DTNA: variants seen among roughly 807,000 people sequenced by gnomAD.
DTNA encodes dystrophin-related protein 3.
In DTNA, 43 loss-of-function variants were observed where a neutral mutation model predicts 100.7. The ratio of observed to expected loss-of-function variants is 0.43; its 90% CI spans 0.33 to 0.55. The LOEUF (loss-of-function observed/expected upper bound fraction) is 0.55, where lower values mean the gene tolerates loss of function less well. DTNA is among the 20% of genes least tolerant of loss of function. The pLI is 0.04. For synonymous variants in DTNA, 349 were observed against 347.9 expected (o/e 1.00, Z -0.04); for missense variants, 798 against 953.9 (o/e 0.84, Z 2.15).
intron 1 of DTNA, among the ~76,000 whole-genome samples, chr18:34,542,318 A>C (rs1032739682): frequency 1.3e-5 from 2 of 151,986 alleles, no homozygotes; most frequent in African/African-American, 4.8e-5. Flanking sequence ...TCCAACTTCA[A>C]ATTGCTTCAG....
At chr18:34,830,085 G>A (rs577063057) in intron 11 of DTNA, among the ~76,000 whole-genome samples, 7 of 152,126 alleles carry the variant, frequency 4.6e-5, no homozygotes, top group East Asian at 1.9e-4. Context: ...TAATCGTGTC[G>A]ATAAACTAAG....
chr18:34,640,529 A>C (rs1039418773), intron 1 of DTNA, among the ~76,000 whole-genome samples: 12 of 152,196 alleles, frequency 7.9e-5, no homozygotes, highest in Non-Finnish European at 1.6e-4. Context: ...ACAGACATTC[A>C]TTCGTTCACT....
chr18:34,756,152 T>A, intron 2 of DTNA, 109 bp downstream of exon 2: 6 of 1,303,080 alleles, frequency 4.6e-6, no homozygotes, highest in South Asian at 1.3e-5. Flanking sequence ...CTTAGGATCC[T>A]AAGTTCCTTT....
chr18:34,671,157 T>G (rs1251307130), intron 1 of DTNA, among the ~76,000 whole-genome samples: 2 of 152,074 alleles, frequency 1.3e-5, no homozygotes, highest in Admixed American at 1.3e-4. Flanking sequence ...GCTGCCACCT[T>G]ATAGTTGGAT....
At chr18:34,723,050 T>C (rs1245359465) in intron 1 of DTNA, among the ~76,000 whole-genome samples, 1 of 152,174 alleles carries the variant, frequency 6.6e-6, no homozygotes, top group Non-Finnish European at 1.5e-5. Flanking sequence ...TAAATGTCTA[T>C]GGGAATTTTA....
intron 1 of DTNA, among the ~76,000 whole-genome samples, chr18:34,527,106 G>A (rs2042697983): frequency 6.6e-6 from 1 of 151,706 alleles, no homozygotes; most frequent in South Asian, 2.1e-4. Context: ...TGTCCTTTCT[G>A]TAACACCTTA....
chr18:34,846,416 T>C (rs1326470712), intron 13 of DTNA, among the ~76,000 whole-genome samples: 1 of 152,152 alleles, frequency 6.6e-6, no homozygotes, highest in African/African-American at 2.4e-5. Flanking sequence ...GGCATCACAC[T>C]CTTTTGATGC....
At chr18:34,792,696 A>T (rs2094801632) in intron 3 of DTNA, among the ~76,000 whole-genome samples, 1 of 152,272 alleles carries the variant, frequency 6.6e-6, no homozygotes, top group African/African-American at 2.4e-5. Context: ...GAACTCTCGT[A>T]CACTGCTGAT....
At chr18:34,540,238 A>C (rs2044119483) in intron 1 of DTNA, among the ~76,000 whole-genome samples, 1 of 151,960 alleles carries the variant, frequency 6.6e-6, no homozygotes, top group East Asian at 1.9e-4. Context: ...GAGATCATAT[A>C]AGAAAAGGGA....
chr18:34,512,065 A>G (rs1422530550), intron 1 of DTNA, among the ~76,000 whole-genome samples: 2 of 151,928 alleles, frequency 1.3e-5, no homozygotes, highest in East Asian at 3.9e-4. Flanking sequence ...TTTCCTAAGC[A>G]CAGTGCCAAC....
rs2095588829 is a variant in DTNA at position 34,816,034 on chromosome 18, C to A, written c.709+20C>A. 1.2e-6 allele frequency: 2 copies of A among 1,604,280 alleles called. No individual in the cohort carries two copies. Among genetic ancestry groups the A allele is most frequent in the Middle Eastern group, 3.3e-4 (2 of 6,036 alleles). Reference sequence around the variant, plus strand: ...AAAATGGTGAGTAGTTACTAAGGAGCAAAGGTGATTTTTTAAATTATTGAA... The same window carrying A: ...AAAATGGTGAGTAGTTACTAAGGAGAAAAGGTGATTTTTTAAATTATTGAA... On this transcript the variant is annotated intron_variant, in intron 7 of 22. Coordinates refer to ENST00000444659, the MANE Select transcript of DTNA (RefSeq NM_001386795.1).
chr18:34,875,234 T>A lies in DTNA; in HGVS notation c.1744-5T>A. On this transcript the variant is annotated splice_polypyrimidine_tract_variant and splice_region_variant and intron_variant, in intron 17 of 22. Transcript: ENST00000444659. ...GCAAATTAATGACCTGCATTGTCTC[T>A]CCAGACTCAGGGGGCAGGCTCTCCC... 6.2e-7 allele frequency: 1 copy of A among 1,613,696 alleles called. No homozygotes were observed.
chr18:34,882,017 G>C, intron 20 of DTNA, 52 bp from the exon 21 acceptor site: 1 of 1,613,526 alleles, frequency 6.2e-7, no homozygotes, highest in Non-Finnish European at 8.5e-7. Context: ...AATCCCGCTT[G>C]TAATTCTCTT....
At position 34,603,965 on chromosome 18, in the gene DTNA, G is replaced by A. The variant is rs372038904; in HGVS notation, c.-2+110451G>A. Among the ~76,000 whole-genome samples, 418 of 152,274 alleles carry A rather than the reference G, an allele frequency of 2.7e-3. 7 individuals carry two copies. The South Asian group carries it at 0.044, about 16-fold the overall frequency. On this transcript the variant is annotated intron_variant, in intron 1 of 19. Coordinates refer to the DTNA transcript ENST00000283365. ...CTCTACGCTCTACTAAAGTTATCAT[G>A]TATGGGAATTTTTCTGTGCAAGAAG... is the stretch of plus-strand genomic sequence containing the variant.
Position 34,726,670 on chromosome 18 carries a change from T to C in DTNA, c.-2+16225T>C, listed in dbSNP as rs1212763026. ...GAGCACACTGGTGCAAGGGATGGACTCCCAACACTTAGGGCATCTCCACCT... is the reference window on the plus strand; with the variant it reads ...GAGCACACTGGTGCAAGGGATGGACCCCCAACACTTAGGGCATCTCCACCT... On this transcript the variant is annotated intron_variant, in intron 1 of 22. Coordinates refer to ENST00000444659, the MANE Select transcript of DTNA (RefSeq NM_001386795.1). Among the ~76,000 whole-genome samples, 3 of 152,170 alleles carry C rather than the reference T, an allele frequency of 2.0e-5. No homozygotes were observed. The East Asian group carries it at 5.8e-4, about 29-fold the overall frequency.
At chr18:34,510,649 C>A (rs943339913) in intron 1 of DTNA, among the ~76,000 whole-genome samples, 2 of 110,536 alleles carry the variant, frequency 1.8e-5, no homozygotes, top group Admixed American at 1.1e-4. Context: ...TTTTTTGGTG[C>A]TTCTCAAATA....
At chr18:34,794,310 C>T in intron 4 of DTNA, 60 bp downstream of exon 4, 1 of 1,591,272 alleles carries the variant, frequency 6.3e-7, no homozygotes, top group Non-Finnish European at 8.6e-7. Context: ...TCCTGTCTTA[C>T]TTGGTCTTTT....
chr18:34,547,071 T>C (rs1048875942), intron 1 of DTNA, among the ~76,000 whole-genome samples: 5 of 152,076 alleles, frequency 3.3e-5, no homozygotes, highest in African/African-American at 1.2e-4. Context: ...ATAGAAAGAA[T>C]AAGTGTAATA....
rs572452286 is a variant in DTNA at position 34,872,983 on chromosome 18, C to CTCT, written c.1744-2254_1744-2252dup. On this transcript the variant is annotated intron_variant, in intron 17 of 22. Coordinates refer to ENST00000444659, the MANE Select transcript of DTNA (RefSeq NM_001386795.1). The stretch of plus-strand genomic sequence containing the variant: ...AAACCTTGGGTAATCCAGTTATCTC[C>CTCT]TCTTAGCCTCAGTTTGCTAATATAT... Among the ~76,000 whole-genome samples, 4 of 152,202 alleles carry CTCT rather than the reference C, an allele frequency of 2.6e-5. No individual in the cohort carries two copies. The South Asian group carries it at 8.3e-4, about 32-fold the overall frequency.
Sources: gnomAD v4.1 joint callset for allele counts (sites outside exome capture counted in the v4.1 genomes callset) on GRCh38, gnomAD v4.1.1 for gene constraint, MANE v1.5 for transcripts, NCBI Gene and HGNC (gene_info 2026-07-23, HGNC 2026-07-21) for gene names.